Variants in FLI1 observed in about 807,000 individuals in gnomAD.
The protein encoded by FLI1 is Fli-1 proto-oncogene, ETS transcription factor.
Under a neutral mutation model 53.1 loss-of-function variants are expected in FLI1, and 13 were observed. The observed-to-expected ratio is 0.24, with a 90% confidence interval of 0.16 to 0.39. FLI1 has a LOEUF of 0.39. FLI1 is among the 10% of genes least tolerant of loss of function. The pLI is 1.00. For missense variants in FLI1, 424 were observed against 600.5 expected, an observed-to-expected ratio of 0.71 and a Z score of 3.07; for synonymous variants, 244 against 236.7, an observed-to-expected ratio of 1.03 and a Z score of -0.28.
At chr11:128,755,435 C>T (rs1940821804) in intron 1 of FLI1, among the ~76,000 whole-genome samples, 1 of 152,184 alleles carries the variant, frequency 6.6e-6, no homozygotes, top group Non-Finnish European at 1.5e-5. Flanking sequence ...ACTCTTATCA[C>T]CAAAAGACAC....
chr11:128,757,044 T>TTTTCTCTC (rs1555116904), intron 1 of FLI1, among the ~76,000 whole-genome samples: 190 of 107,114 alleles, frequency 1.8e-3, no homozygotes, highest in African/African-American at 6.6e-3. Context: ...CTAGCTAATT[T>TTTTCTCTC]TTTCTTTCTT....
chr11:128,732,083 G>A (rs1376510600), intron 1 of FLI1, among the ~76,000 whole-genome samples: 1 of 152,058 alleles, frequency 6.6e-6, no homozygotes, highest in Non-Finnish European at 1.5e-5. Context: ...AGAGATGAGT[G>A]GTAAATGTGA....
chr11:128,748,305 A>G, intron 1 of FLI1: 1 of 971,256 alleles, frequency 1.0e-6, no homozygotes, highest in Middle Eastern at 5.3e-4. Flanking sequence ...GTGAAAGGGG[A>G]AAGGCACTTG....
intron 5 of FLI1, among the ~76,000 whole-genome samples, chr11:128,797,411 CT>C (rs1189528898): frequency 1.3e-5 from 2 of 152,236 alleles, no homozygotes; most frequent in Non-Finnish European, 2.9e-5. Flanking sequence ...CAATCTGTCA[CT>C]TTTCAAAATA....
At chr11:128,693,941 CGAGAGAGAGAGAGAGAGAGAGAGAGA>C (rs57930585), upstream of FLI1, 504 of 176,750 alleles carry the variant, frequency 2.9e-3, 4 homozygotes, top group African/African-American at 0.019. Flanking sequence ...GAGCTCGAGG[CGAGAGAGAGAGAGAGAGAGAGAGAGA>C]GAGAGAGAGA....
chr11:128,690,119 T>C (rs544965742), upstream of FLI1, among the ~76,000 whole-genome samples: 1 of 152,234 alleles, frequency 6.6e-6, no homozygotes, highest in Admixed American at 6.5e-5. Context: ...GAGACTCGAG[T>C]TCTCCAATAA....
intron 3 of FLI1, among the ~76,000 whole-genome samples, chr11:128,771,333 T>C (rs1941547630): frequency 6.6e-6 from 1 of 152,208 alleles, no homozygotes; most frequent in Non-Finnish European, 1.5e-5. Flanking sequence ...GCAGCCACTC[T>C]CGTGCATGGG....
At chr11:128,788,692 A>G (rs1476521828) in intron 5 of FLI1, among the ~76,000 whole-genome samples, 3 of 152,100 alleles carry the variant, frequency 2.0e-5, no homozygotes, top group Admixed American at 2.0e-4. Context: ...GGACCCAGCC[A>G]TGGTCACACA....
At chr11:128,773,010 G>T in intron 4 of FLI1, 25 bp downstream of exon 4, 1 of 1,606,976 alleles carries the variant, frequency 6.2e-7, no homozygotes, top group Admixed American at 1.7e-5. Flanking sequence ...AGTACCCAGG[G>T]CTGGGAGGAA....
At chr11:128,742,029 T>C (rs1387440968) in intron 1 of FLI1, among the ~76,000 whole-genome samples, 6 of 152,102 alleles carry the variant, frequency 3.9e-5, no homozygotes. Context: ...GCATCGTTCC[T>C]ACCATATTTA....
chr11:128,780,807 C>T (rs148060609), intron 4 of FLI1, among the ~76,000 whole-genome samples: 9 of 152,212 alleles, frequency 5.9e-5, no homozygotes, highest in South Asian at 2.1e-4. Flanking sequence ...CCACAGGGAG[C>T]GGGGAAAAGG....
intron 2 of FLI1, among the ~76,000 whole-genome samples, chr11:128,765,429 G>T (rs1213558136): frequency 6.6e-6 from 1 of 152,104 alleles, no homozygotes; most frequent in African/African-American, 2.4e-5. Context: ...AATCCCCAGG[G>T]GCCCGGCTGA....
At chr11:128,703,990 C>T (rs1184021857) in intron 1 of FLI1, among the ~76,000 whole-genome samples, 1 of 151,978 alleles carries the variant, frequency 6.6e-6, no homozygotes, top group Non-Finnish European at 1.5e-5. Flanking sequence ...GAGAAATTGG[C>T]TGGCCTAGGA....
At chr11:128,766,215 C>A (rs1176323098) in intron 2 of FLI1, among the ~76,000 whole-genome samples, 2 of 152,166 alleles carry the variant, frequency 1.3e-5, no homozygotes, top group Non-Finnish European at 2.9e-5. Context: ...GGGACTGCTT[C>A]ATCTCAGGCC....
At chr11:128,699,379 A>G (rs202019863) in intron 1 of FLI1, among the ~76,000 whole-genome samples, 3 of 152,206 alleles carry the variant, frequency 2.0e-5, no homozygotes, top group Non-Finnish European at 2.9e-5. Flanking sequence ...TTTGTTCTGT[A>G]CTTAAAACAT....
chr11:128,785,023 A>C (rs965827257), intron 5 of FLI1, among the ~76,000 whole-genome samples: 1 of 152,210 alleles, frequency 6.6e-6, no homozygotes, highest in African/African-American at 2.4e-5. Flanking sequence ...AAATTGTATA[A>C]TCACCCTTCC....
At chr11:128,685,677 C>A (rs1285965528), upstream of FLI1, among the ~76,000 whole-genome samples, 1 of 121,234 alleles carries the variant, frequency 8.2e-6, no homozygotes, top group Admixed American at 1.1e-4. Context: ...TGTCCCTGCA[C>A]TAGTGTGTGT....
intron 5 of FLI1, among the ~76,000 whole-genome samples, chr11:128,802,296 C>G (rs1006783495): frequency 3.3e-5 from 5 of 152,196 alleles, no homozygotes; most frequent in Non-Finnish European, 7.3e-5. Flanking sequence ...GACGTCTCCT[C>G]GAGCCCCAGA....
intron 7 of FLI1, among the ~76,000 whole-genome samples, chr11:128,807,507 G>A (rs1317074865): frequency 1.3e-5 from 2 of 152,156 alleles, no homozygotes; most frequent in East Asian, 3.9e-4. Flanking sequence ...TGAGGCCCGG[G>A]GAGGTGAAGT....
Sources: gnomAD v4.1 joint callset for allele counts (sites outside exome capture counted in the v4.1 genomes callset) on GRCh38, gnomAD v4.1.1 for gene constraint, MANE v1.5 for transcripts, NCBI Gene and HGNC (gene_info 2026-07-23, HGNC 2026-07-21) for gene names.